LRFN5: variants seen among roughly 807,000 people sequenced by gnomAD.
LRFN5 encodes leucine rich repeat and fibronectin type III domain containing 5.
In LRFN5, 24 loss-of-function variants were observed where a neutral mutation model predicts 45.6. That is an observed-to-expected ratio of 0.53 (90% CI 0.38 to 0.74). The LOEUF (loss-of-function observed/expected upper bound fraction) is 0.74, where lower values mean the gene tolerates loss of function less well. Ranked by LOEUF, LRFN5 falls within the 30% of genes least tolerant of loss-of-function variation. The probability of loss-of-function intolerance (pLI) is 0.00; values close to 1 mark genes in which losing one functional copy is unlikely to be tolerated. For missense variants in LRFN5, 776 were observed against 861.5 expected, an observed-to-expected ratio of 0.90 and a Z score of 1.24; for synonymous variants, 340 against 313.8, an observed-to-expected ratio of 1.08 and a Z score of -0.88.
At chr14:41,822,538 A>G (rs765670142) in intron 2 of LRFN5, among the ~76,000 whole-genome samples, 1 of 151,992 alleles carries the variant, frequency 6.6e-6, no homozygotes, top group Non-Finnish European at 1.5e-5. Context: ...TATTTTGTAA[A>G]ATGTGTTGAT....
intron 1 of LRFN5, among the ~76,000 whole-genome samples, chr14:41,737,710 G>T (rs1884502431): frequency 6.6e-6 from 1 of 151,880 alleles, no homozygotes; most frequent in Non-Finnish European, 1.5e-5. Context: ...ACCAATAATA[G>T]ACAAACAGCC....
At chr14:41,899,063 GA>G (rs1244561435) in intron 5 of LRFN5, 103 bp downstream of exon 5, 1 of 920,244 alleles carries the variant, frequency 1.1e-6, no homozygotes, top group Non-Finnish European at 1.6e-6. Flanking sequence ...GTAGCTTGTT[GA>G]AATTTTCTTT....
intron 2 of LRFN5, among the ~76,000 whole-genome samples, chr14:41,851,240 A>G (rs2139075395): frequency 6.6e-6 from 1 of 151,564 alleles, no homozygotes; most frequent in South Asian, 2.1e-4. Flanking sequence ...ATATTACATA[A>G]AACAATGAAA....
Position 41,671,621 on chromosome 14 carries a change from T to TG in LRFN5, c.-197+63059_-197+63060insG, listed in dbSNP as rs1297963298. On this transcript the variant is annotated intron_variant, in intron 1 of 5. Transcript: ENST00000298119. ...GAGGAGAGATTTTTTTTTTTCGTTT[T>TG]TTTTTTTTTTTTTTTTACGGAGTTT... 8.7e-3 allele frequency among the ~76,000 whole-genome samples: 1,192 copies of TG among 136,346 alleles called. 10 individuals are homozygous for TG. Among genetic ancestry groups the TG allele is most frequent in the Non-Finnish European group, 0.013 (849 of 64,636 alleles). The allele number at this position is 136,346 out of a possible 152,430, so 89.4% of individuals were successfully genotyped here.
intron 1 of LRFN5, among the ~76,000 whole-genome samples, chr14:41,708,780 T>C (rs1883169385): frequency 6.6e-6 from 1 of 151,850 alleles, no homozygotes; most frequent in South Asian, 2.1e-4. Context: ...AGATACAAGA[T>C]ACAGAGGCTT....
chr14:41,883,130 G>A (rs558345351), intron 2 of LRFN5, among the ~76,000 whole-genome samples: 1 of 151,852 alleles, frequency 6.6e-6, no homozygotes, highest in Non-Finnish European at 1.5e-5. Context: ...GGGATTACAG[G>A]CTTGAGTCAC....
intron 1 of LRFN5, among the ~76,000 whole-genome samples, chr14:41,626,498 GGA>G (rs1241729005): frequency 5.9e-5 from 9 of 151,996 alleles, no homozygotes; most frequent in Non-Finnish European, 1.2e-4. Flanking sequence ...GTAATTTTAT[GGA>G]GAGAGTACCT....
At chr14:41,628,963 C>G (rs1361019056) in intron 1 of LRFN5, among the ~76,000 whole-genome samples, 1 of 152,162 alleles carries the variant, frequency 6.6e-6, no homozygotes. Flanking sequence ...ACTCTCACAA[C>G]TTCCCATTTA....
chr14:41,711,850 T>C (rs909888157), intron 1 of LRFN5, among the ~76,000 whole-genome samples: 2 of 152,164 alleles, frequency 1.3e-5, no homozygotes, highest in East Asian at 3.9e-4. Context: ...GGAATGATAA[T>C]TCTGGAATAT....
intron 2 of LRFN5, among the ~76,000 whole-genome samples, chr14:41,828,597 A>G (rs1050588978): frequency 6.6e-6 from 1 of 151,908 alleles, no homozygotes; most frequent in African/African-American, 2.4e-5. Context: ...AGAAATCTGG[A>G]AGTCCTTTAT....
At chr14:41,860,628 A>G (rs1302611424) in intron 2 of LRFN5, among the ~76,000 whole-genome samples, 1 of 152,228 alleles carries the variant, frequency 6.6e-6, no homozygotes, top group Non-Finnish European at 1.5e-5. Flanking sequence ...AAATTAAAAC[A>G]GGAAAAAGAA....
intron 2 of LRFN5, among the ~76,000 whole-genome samples, chr14:41,811,808 G>T (rs1157622547): frequency 6.6e-6 from 1 of 151,966 alleles, no homozygotes; most frequent in African/African-American, 2.4e-5. Context: ...TGGACTGGGG[G>T]TTTCATTTTT....
intron 1 of LRFN5, among the ~76,000 whole-genome samples, chr14:41,727,131 A>G (rs1883970562): frequency 6.6e-6 from 1 of 152,194 alleles, no homozygotes; most frequent in Non-Finnish European, 1.5e-5. Flanking sequence ...ACTTTTTACT[A>G]ATCATTTATT....
intron 2 of LRFN5, among the ~76,000 whole-genome samples, chr14:41,859,055 T>C (rs1889572004): frequency 2.6e-5 from 4 of 152,164 alleles, no homozygotes; most frequent in African/African-American, 4.8e-5. Context: ...TGGCTGGTCA[T>C]TGAGGGAGAA....
chr14:41,775,178 C>T (rs1195799639), intron 2 of LRFN5, among the ~76,000 whole-genome samples: 1 of 142,168 alleles, frequency 7.0e-6, no homozygotes, highest in Admixed American at 7.7e-5. Flanking sequence ...GCAAGCTCCG[C>T]CTCCCGGGTT....
At chr14:41,755,796 G>C (rs149849783) in intron 1 of LRFN5, among the ~76,000 whole-genome samples, 1 of 152,150 alleles carries the variant, frequency 6.6e-6, no homozygotes, top group Non-Finnish European at 1.5e-5. Context: ...GTGTGAATTT[G>C]ATCCTGTCAT....
intron 5 of LRFN5, among the ~76,000 whole-genome samples, chr14:41,899,609 A>G (rs1594508824): frequency 6.6e-6 from 1 of 152,152 alleles, no homozygotes; most frequent in East Asian, 1.9e-4. Context: ...CAATCTGTTC[A>G]AACAGCTGGA....
rs762294951 is a variant in LRFN5 at position 41,887,497 on chromosome 14, G to A, written c.872G>A (p.Arg291His). ...TTGTGTGAGCCTCCTCTCATTACTCGTCATACACATGAGATGAGAGTCCTG... is the reference window on the plus strand; with the variant it reads ...TTGTGTGAGCCTCCTCTCATTACTCATCATACACATGAGATGAGAGTCCTG... ...EFLCEPPLIT[R>H]HTHEMRVLEG... Residue 291 changes from arginine (R) to histidine (H), a missense_variant, in exon 3 of 6, where the codon CGT becomes CAT. By Grantham distance (29) the Arg-to-His change is conservative. Coordinates refer to ENST00000298119, the MANE Select transcript of LRFN5 (RefSeq NM_152447.5). This position sits in a 1 kb window ranked among gnomAD's most constrained non-coding sequence, Gnocchi z 4.8. The A allele has an allele frequency of 1.6e-5, 26 of 1,613,986 alleles. No individual in the cohort carries two copies. The South Asian group carries it at 2.3e-4, about 14-fold the overall frequency.
intron 2 of LRFN5, among the ~76,000 whole-genome samples, chr14:41,795,461 T>C (rs1243016579): frequency 6.6e-6 from 1 of 152,090 alleles, no homozygotes; most frequent in Non-Finnish European, 1.5e-5. Context: ...CATGCTGCTA[T>C]AAAGACACAT....
Sources: gnomAD v4.1 joint callset for allele counts (sites outside exome capture counted in the v4.1 genomes callset) on GRCh38, gnomAD v4.1.1 for gene constraint, Gnocchi (gnomAD v3.1) non-coding constraint, MANE v1.5 for transcripts, NCBI Gene and HGNC (gene_info 2026-07-23, HGNC 2026-07-21) for gene names.